The following KSR2 variants were observed in gnomAD, a reference collection of about 807,000 sequenced individuals.
KSR2 encodes kinase suppressor of ras 2.
A neutral mutation model predicts 107.8 loss-of-function variants in KSR2; 25 were observed. The ratio of observed to expected loss-of-function variants is 0.23; its 90% CI spans 0.17 to 0.32. KSR2 has a LOEUF of 0.32. KSR2 is among the 10% of genes least tolerant of loss of function. The probability of loss-of-function intolerance (pLI) is 1.00; values close to 1 mark genes in which losing one functional copy is unlikely to be tolerated. For synonymous variants in KSR2, 480 were observed against 507.0 expected, an observed-to-expected ratio of 0.95 and a Z score of 0.71; for missense variants, 887 against 1,268.9, an observed-to-expected ratio of 0.70 and a Z score of 4.57.
intron 14 of KSR2, among the ~76,000 whole-genome samples, chr12:117,489,732 G>A (rs1872650026): frequency 1.3e-5 from 2 of 152,250 alleles, no homozygotes; most frequent in South Asian, 4.1e-4. Context: ...GGGGCTCCAG[G>A]CCTGGCTGTG....
intron 4 of KSR2, among the ~76,000 whole-genome samples, chr12:117,756,417 G>A (rs948130497): frequency 2.0e-5 from 3 of 152,280 alleles, no homozygotes; most frequent in South Asian, 2.1e-4. Flanking sequence ...TACTCTGCCC[G>A]TACTTTATAA....
At chr12:117,924,786 G>A (rs1452796311) in intron 1 of KSR2, among the ~76,000 whole-genome samples, 1 of 152,114 alleles carries the variant, frequency 6.6e-6, no homozygotes, top group Non-Finnish European at 1.5e-5. Flanking sequence ...GTAAGAACCT[G>A]TATAGATCCC....
At chr12:117,471,796 A>C (rs1871474043) in intron 17 of KSR2, among the ~76,000 whole-genome samples, 1 of 152,172 alleles carries the variant, frequency 6.6e-6, no homozygotes. Flanking sequence ...TGCTGACATA[A>C]AAAATGCTCA....
At chr12:117,795,695 C>T (rs1423397869) in intron 3 of KSR2, among the ~76,000 whole-genome samples, 1 of 152,126 alleles carries the variant, frequency 6.6e-6, no homozygotes, top group Non-Finnish European at 1.5e-5. Flanking sequence ...GTGGTACAAT[C>T]ATAGCTTACT....
chr12:117,777,280 A>G (rs1016698380), intron 3 of KSR2, among the ~76,000 whole-genome samples: 6 of 151,574 alleles, frequency 4.0e-5, no homozygotes. Flanking sequence ...TTTTCTCCAT[A>G]AGGCACAGCA....
Position 117,553,861 on chromosome 12 carries a change from C to CT in KSR2, c.1518+1307_1518+1308insA, listed in dbSNP as rs1491368477. On this transcript the variant is annotated intron_variant, in intron 9 of 19. Coordinates refer to ENST00000339824, the MANE Select transcript of KSR2 (RefSeq NM_173598.6). ...CCTCCCCTCTCCTCTCTCTCTCTCT[C>CT]CCTCTCTCATGCACGTTTCCTTCCT... is the stretch of plus-strand genomic sequence containing the variant. Among the ~76,000 whole-genome samples, 59 of 140,746 alleles carry CT rather than the reference C, an allele frequency of 4.2e-4. 1 individual carries two copies. Among genetic ancestry groups the CT allele is most frequent in the Non-Finnish European group, 6.2e-4 (42 of 67,218 alleles). 92.3% of individuals were successfully genotyped at this position (140,746 alleles called of 152,430 possible).
chr12:117,860,551 T>C (rs2592288), intron 1 of KSR2, 120 bp from the exon 2 acceptor site: 37,991 of 962,948 alleles, frequency 0.039, 984 homozygotes, highest in Middle Eastern at 0.069. Flanking sequence ...TAAAGACTGG[T>C]TCCGCTACAG....
intron 7 of KSR2, among the ~76,000 whole-genome samples, chr12:117,560,474 G>A (rs1288730032): frequency 1.3e-5 from 2 of 152,054 alleles, no homozygotes; most frequent in African/African-American, 2.4e-5. Context: ...AGGGTGAGAC[G>A]TAAGCCCCTC....
chr12:117,832,427 AC>A (rs1892011010), intron 3 of KSR2, among the ~76,000 whole-genome samples: 1 of 152,210 alleles, frequency 6.6e-6, no homozygotes, highest in Non-Finnish European at 1.5e-5. Flanking sequence ...AAAGCTACAG[AC>A]CCAGCGTCAT....
At chr12:117,561,978 T>C (rs1211878494) in intron 7 of KSR2, among the ~76,000 whole-genome samples, 1 of 152,148 alleles carries the variant, frequency 6.6e-6, no homozygotes, top group East Asian at 1.9e-4. Flanking sequence ...CCTCTCTGTT[T>C]ATGGGGAGGG....
chr12:117,512,415 T>C (rs1175510717), intron 14 of KSR2, among the ~76,000 whole-genome samples: 1 of 152,178 alleles, frequency 6.6e-6, no homozygotes. Context: ...AGCTGCTGGT[T>C]CTCAAAGTGG....
At chr12:117,494,469 A>T (rs7304665) in intron 14 of KSR2, among the ~76,000 whole-genome samples, 20,740 of 152,138 alleles carry the variant, frequency 0.14, 2,638 homozygotes, top group African/African-American at 0.34. Context: ...AGTTTCCAGA[A>T]AATGCTGATG....
intron 5 of KSR2, among the ~76,000 whole-genome samples, chr12:117,630,557 G>T (rs777451894): frequency 2.0e-5 from 3 of 152,136 alleles, no homozygotes; most frequent in Non-Finnish European, 4.4e-5. Flanking sequence ...TACCTGATCG[G>T]ATTTGCCTTT....
At chr12:117,785,379 C>T (rs374769749) in intron 3 of KSR2, among the ~76,000 whole-genome samples, 13 of 125,192 alleles carry the variant, frequency 1.0e-4, no homozygotes, top group African/African-American at 2.7e-4. Context: ...CCTGCCACTG[C>T]GCTACAGCCT....
At chr12:117,693,389 G>A (rs968643647) in intron 4 of KSR2, among the ~76,000 whole-genome samples, 4 of 152,126 alleles carry the variant, frequency 2.6e-5, no homozygotes, top group African/African-American at 4.8e-5. Flanking sequence ...CACCCTCCAT[G>A]GAAGCCTAGA....
chr12:117,889,301 A>T (rs1894268227), intron 1 of KSR2, among the ~76,000 whole-genome samples: 1 of 152,176 alleles, frequency 6.6e-6, no homozygotes, highest in Non-Finnish European at 1.5e-5. Context: ...CCGGGTGTGG[A>T]GGGGACCAGC....
chr12:117,498,254 C>A (rs1592929812), intron 14 of KSR2, among the ~76,000 whole-genome samples: 2 of 152,150 alleles, frequency 1.3e-5, no homozygotes, highest in Admixed American at 1.3e-4. Context: ...CCCTCATTTG[C>A]TCACTGAGCT....
chr12:117,593,656 A>G (rs1880456653), intron 5 of KSR2, among the ~76,000 whole-genome samples: 2 of 152,212 alleles, frequency 1.3e-5, no homozygotes, highest in Admixed American at 1.3e-4. Context: ...CCTCCTCTGT[A>G]AAATGGGGGC....
At chr12:117,930,948 G>C (rs1895680329) in intron 1 of KSR2, among the ~76,000 whole-genome samples, 1 of 151,932 alleles carries the variant, frequency 6.6e-6, no homozygotes. Context: ...AAATAAATAG[G>C]GTTGATGTGG....
Sources: allele counts gnomAD v4.1 joint callset (sites outside exome capture counted in the v4.1 genomes callset), GRCh38; gene constraint gnomAD v4.1.1; transcripts MANE v1.5; gene names NCBI Gene and HGNC (gene_info 2026-07-23, HGNC 2026-07-21).